Variants in AATK observed in about 807,000 individuals in gnomAD.
The protein encoded by AATK is serine/threonine-protein kinase LMTK1.
Under a neutral mutation model 114.3 loss-of-function variants are expected in AATK, and 91 were observed. The observed-to-expected ratio is 0.80, with a 90% confidence interval of 0.67 to 0.95. AATK has a LOEUF of 0.95. AATK is among the 40% of genes least tolerant of loss of function. The pLI, the probability that AATK is intolerant of heterozygous loss-of-function variation, is 0.00. For synonymous variants in AATK, 1,075 were observed against 916.5 expected, an observed-to-expected ratio of 1.17 and a Z score of -3.12; for missense variants, 2,176 against 1,965.2, an observed-to-expected ratio of 1.11 and a Z score of -2.03.
At position 81,127,797 on chromosome 17, in the gene AATK, G is replaced by C; in HGVS notation, c.528C>G (p.Pro176=). The change falls in exon 5 of 14, where the codon CCC becomes CCG. Residue 176 remains proline (P), a synonymous_variant. Coordinates refer to ENST00000326724, the MANE Select transcript of AATK (RefSeq NM_001080395.3). ...EQMQFLEEVQ[P]YRALKHSNLL... is the part of the protein sequence containing the mutation. The stretch of plus-strand genomic sequence containing the variant: ...TGTGCCCGGTGGCCTCCCACCTGTA[G>C]GGCTGCACCTCCTCCAGGAACTGCA... 8 of 1,520,104 alleles carry C rather than the reference G, an allele frequency of 5.3e-6. No individual in the cohort carries two copies. The highest frequency in any genetic ancestry group is 1.2e-5 in the South Asian group (1 of 83,388). The allele number at this position is 1,520,104 out of a possible 1,614,324, so 94.2% of individuals were successfully genotyped here.
chr17:81,128,563 G>C lies in AATK; in HGVS notation c.335-14C>G. 1 of 1,548,668 alleles carries C rather than the reference G, an allele frequency of 6.5e-7. No individual in the cohort carries two copies. ...TGAGGAGCTGCACTGTAACCAAGCA[G>C]GGGGTTCAGGGACCCAGTGTGGCCT... On this transcript the variant is annotated splice_polypyrimidine_tract_variant and intron_variant, in intron 3 of 13. Coordinates refer to ENST00000326724, the MANE Select transcript of AATK (RefSeq NM_001080395.3).
intron 1 of AATK, 110 bp from the exon 2 acceptor site, chr17:81,134,611 C>T: frequency 7.2e-7 from 1 of 1,386,474 alleles, no homozygotes; most frequent in Non-Finnish European, 9.8e-7. Flanking sequence ...CCAGGCTGGG[C>T]CTCAGCACCC....
At chr17:81,150,155 T>C (rs1345522061) in intron 1 of AATK, among the ~76,000 whole-genome samples, 1 of 151,858 alleles carries the variant, frequency 6.6e-6, no homozygotes. Flanking sequence ...CCTTCTGGGC[T>C]GATGAGAATG....
chr17:81,160,061 T>A (rs2061412083), intron 1 of AATK, among the ~76,000 whole-genome samples: 1 of 152,074 alleles, frequency 6.6e-6, no homozygotes, highest in African/African-American at 2.4e-5. Context: ...TCACTCCCCC[T>A]GGGGCAGGTG....
At chr17:81,147,313 A>T (rs2146379739) in intron 1 of AATK, among the ~76,000 whole-genome samples, 1 of 149,210 alleles carries the variant, frequency 6.7e-6, no homozygotes, top group Non-Finnish European at 1.5e-5. Flanking sequence ...GTGAGCTGAG[A>T]TCTCACCACT....
intron 1 of AATK, among the ~76,000 whole-genome samples, chr17:81,163,494 G>C (rs935392494): frequency 3.3e-5 from 5 of 152,230 alleles, no homozygotes; most frequent in Non-Finnish European, 7.3e-5. Flanking sequence ...ACGGATCTCA[G>C]AGAGGCTGGG....
chr17:81,126,810 C>T lies in AATK; in HGVS notation c.622-250G>A. 1 of 1,359,258 alleles carries T rather than the reference C, an allele frequency of 7.4e-7. No homozygotes were observed. Among genetic ancestry groups the T allele is most frequent in the African/African-American group, 1.5e-5 (1 of 68,686 alleles). 84.2% of individuals were successfully genotyped at this position (1,359,258 alleles called of 1,614,324 possible). A position where few individuals can be genotyped will look rare whatever the true frequency, so the allele number is the denominator to read the frequency against. ...TCAGCCAGCCCCGGGCAGCAGGAGT[C>T]CCTTGGCCTGTGGTAGAGAGAGAAA... On this transcript the variant is annotated intron_variant, in intron 6 of 13. Coordinates refer to ENST00000326724, the MANE Select transcript of AATK (RefSeq NM_001080395.3). This position sits in a 1 kb window ranked among gnomAD's most constrained non-coding sequence, Gnocchi z 5.1.
intron 1 of AATK, among the ~76,000 whole-genome samples, chr17:81,148,170 T>G (rs574700351): frequency 6.6e-6 from 1 of 151,990 alleles, no homozygotes; most frequent in Admixed American, 6.5e-5. Context: ...GGTTGCATCC[T>G]GTACTTGCAC....
At chr17:81,132,548 C>T in intron 2 of AATK, 1 of 178,142 alleles carries the variant, frequency 5.6e-6, no homozygotes, top group South Asian at 8.3e-5. Flanking sequence ...CCCTCTTGGG[C>T]CCTCCAATCC....
chr17:81,160,153 A>G, intron 1 of AATK: 1 of 639,502 alleles, frequency 1.6e-6, no homozygotes, highest in Non-Finnish European at 1.9e-6. Flanking sequence ...TCCCTGCAGG[A>G]GCAGGAGTCT....
At position 81,120,737 on chromosome 17, in the gene AATK, G is replaced by T; in HGVS notation, c.3199C>A (p.Pro1067Thr). ...PPLLQLEGSS[P>T]EPSTCPSGLV... ...CCCGAGGGGCAGGTGCTGGGCTCTG[G>T]GGAGGACCCTTCAAGCTGCAGCAGT... Residue 1067 changes from proline to threonine, a missense_variant, in exon 11 of 14, where the codon CCA becomes ACA. Pro to Thr is a conservative substitution (Grantham distance 38). Around this residue, in one of 4 missense-constraint regions of AATK, gnomAD observed 1,701 missense variants for 1,394.7 expected, o/e 1.22. Transcript: ENST00000326724. 6.3e-7 allele frequency: 1 copy of T among 1,575,688 alleles called. No homozygotes were observed. Among genetic ancestry groups the T allele is most frequent in the South Asian group, 1.2e-5 (1 of 85,732 alleles).
intron 3 of AATK, 114 bp downstream of exon 3, chr17:81,130,947 G>T: frequency 7.5e-7 from 1 of 1,334,746 alleles, no homozygotes; most frequent in Non-Finnish European, 1.0e-6. Flanking sequence ...GCCACTCCCA[G>T]CCCTGTGCTG....
In AATK at chr17:81,118,335, C is replaced by G; in HGVS notation, c.*67G>C. 9 of 1,512,488 alleles carry G rather than the reference C, an allele frequency of 6.0e-6. No individual in the cohort carries two copies. Among genetic ancestry groups the G allele is most frequent in the Non-Finnish European group, 8.1e-6 (9 of 1,115,656 alleles). 93.7% of individuals were successfully genotyped at this position (1,512,488 alleles called of 1,614,324 possible). ...ACGTGGTCCCCACCTTCTCGGTCAC[C>G]ATCCTCGCTGCTGCCTGGCAGGGGC... On this transcript the variant is annotated 3_prime_UTR_variant, in exon 14 of 14. Coordinates refer to ENST00000326724, the MANE Select transcript of AATK (RefSeq NM_001080395.3).
At chr17:81,123,907 G>A (rs2060741830) in intron 9 of AATK, among the ~76,000 whole-genome samples, 2 of 152,194 alleles carry the variant, frequency 1.3e-5, no homozygotes, top group Admixed American at 1.3e-4. Context: ...CCAAGAGGCT[G>A]CAGAGTGAGA....
intron 6 of AATK, among the ~76,000 whole-genome samples, chr17:81,127,194 G>A (rs1598921154): frequency 6.6e-6 from 1 of 152,046 alleles, no homozygotes; most frequent in Non-Finnish European, 1.5e-5. Flanking sequence ...GGCAGCCTGG[G>A]GAAGTGGCCA....
At chr17:81,138,314 C>T (rs574900851) in intron 1 of AATK, among the ~76,000 whole-genome samples, 3 of 149,644 alleles carry the variant, frequency 2.0e-5, no homozygotes, top group South Asian at 2.1e-4. Context: ...TATCCACACA[C>T]GTGCACACAT....
intron 1 of AATK, among the ~76,000 whole-genome samples, chr17:81,149,927 G>T (rs949362895): frequency 6.6e-6 from 1 of 152,154 alleles, no homozygotes; most frequent in Non-Finnish European, 1.5e-5. Flanking sequence ...AAGGTGAGCA[G>T]CTGACCCATG....
chr17:81,118,892 G>A (rs545763172), intron 13 of AATK, among the ~76,000 whole-genome samples: 2 of 152,364 alleles, frequency 1.3e-5, no homozygotes, highest in South Asian at 2.1e-4. Context: ...GTGGGCAGAG[G>A]CTGTAGGGGT....
chr17:81,120,616 G>A lies in AATK; in HGVS notation c.3320C>T (p.Pro1107Leu), dbSNP rs1204186816. ...AGAGCTGTTGCCTTCTGATCTCAGC[G>A]GAACCGGGGTCAGCAGGAAAAACTG... ...CSQFFLLTPVPLRSEGNSSEF... is the reference protein window; with the variant it reads ...CSQFFLLTPVLLRSEGNSSEF... Residue 1107 changes from proline (P) to leucine (L), a missense_variant, in exon 11 of 14, where the codon CCG becomes CTG. By Grantham distance (98) the Pro-to-Leu change is moderately conservative. Transcript: ENST00000326724. 3.9e-6 allele frequency: 6 copies of A among 1,550,060 alleles called. No homozygotes were observed. In the East Asian group the frequency reaches 7.0e-5, roughly 18 times the overall value.
Sources: gnomAD v4.1 joint callset for allele counts (sites outside exome capture counted in the v4.1 genomes callset) on GRCh38, gnomAD v4.1.1 for gene constraint, gnomAD v4.1.1 regional missense constraint, Gnocchi (gnomAD v3.1) non-coding constraint, MANE v1.5 for transcripts, NCBI Gene and HGNC (gene_info 2026-07-23, HGNC 2026-07-21) for gene names.